MECOM: variants seen among roughly 807,000 people sequenced by gnomAD.
MECOM encodes the protein MDS1 and EVI1 complex locus, also known as histone-lysine N-methyltransferase MECOM.
A neutral mutation model predicts 116.3 loss-of-function variants in MECOM; 13 were observed. That is an observed-to-expected ratio of 0.11 (90% CI 0.07 to 0.18). The LOEUF (loss-of-function observed/expected upper bound fraction) is 0.18. MECOM is among the 10% of genes least tolerant of loss of function. The pLI is 1.00. For missense variants in MECOM, 1,299 were observed against 1,509.0 expected, an observed-to-expected ratio of 0.86 and a Z score of 2.31; for synonymous variants, 528 against 535.2, an observed-to-expected ratio of 0.99 and a Z score of 0.19.
At chr3:169,327,639 CAAA>C (rs771134017) in intron 2 of MECOM, among the ~76,000 whole-genome samples, 2 of 69,534 alleles carry the variant, frequency 2.9e-5, no homozygotes, top group Admixed American at 1.6e-4. Context: ...GACTGTGTCT[CAAA>C]AAAAAAAAAA....
At chr3:169,567,198 A>G (rs957200477) in intron 1 of MECOM, among the ~76,000 whole-genome samples, 6 of 152,250 alleles carry the variant, frequency 3.9e-5, no homozygotes, top group Admixed American at 3.9e-4. Flanking sequence ...CACTAACAAA[A>G]AGTGGCATCA....
chr3:169,535,239 GT>G (rs1759208210), intron 1 of MECOM, among the ~76,000 whole-genome samples: 1 of 152,144 alleles, frequency 6.6e-6, no homozygotes, highest in Non-Finnish European at 1.5e-5. Context: ...GAAGATATAT[GT>G]GAATATTCTA....
In MECOM at chr3:169,115,911, A is replaced by G. The variant is rs530789695; in HGVS notation, c.1961T>C (p.Val654Ala). 5.6e-6 allele frequency: 9 copies of G among 1,614,098 alleles called. No homozygotes were observed. In the South Asian group the frequency reaches 9.9e-5, roughly 18 times the overall value. The change falls in exon 8 of 17, where the codon GTG becomes GCG. Residue 654 changes from valine (V) to alanine (A), a missense_variant. Val to Ala is a moderately conservative substitution (Grantham distance 64, BLOSUM62 0). Coordinates refer to ENST00000651503, the MANE Select transcript of MECOM (RefSeq NM_004991.4). ...TATAGAATCATTCACAGCTCCTGAC[A>G]CCGCAGTCTGCTCCTCTAAAGATGG... is the stretch of plus-strand genomic sequence containing the variant. ...FSPSLEEQTA[V>A]SGAVNDSIKA... is the part of the protein sequence containing the mutation.
intron 2 of MECOM, among the ~76,000 whole-genome samples, chr3:169,183,589 A>C (rs1746267985): frequency 6.6e-6 from 1 of 152,002 alleles, no homozygotes; most frequent in South Asian, 2.1e-4. Context: ...GAGGAGGAGG[A>C]GCCAGAGGTC....
At chr3:169,450,175 A>G (rs1265573369) in intron 1 of MECOM, among the ~76,000 whole-genome samples, 1 of 152,200 alleles carries the variant, frequency 6.6e-6, no homozygotes, top group East Asian at 1.9e-4. Flanking sequence ...GCTATGCCAG[A>G]ACAAATATTA....
chr3:169,282,122 T>C (rs1231096939), intron 2 of MECOM, among the ~76,000 whole-genome samples: 2 of 152,162 alleles, frequency 1.3e-5, no homozygotes, highest in African/African-American at 4.8e-5. Flanking sequence ...TCTCTAAAAG[T>C]AAACCCAAAT....
At chr3:169,219,245 G>T (rs1230983729) in intron 2 of MECOM, among the ~76,000 whole-genome samples, 1 of 152,192 alleles carries the variant, frequency 6.6e-6, no homozygotes, top group Non-Finnish European at 1.5e-5. Flanking sequence ...GGTGGCTCAC[G>T]CCTGTAATCC....
intron 1 of MECOM, chr3:169,484,006 C>CT (rs917362823): frequency 1.3e-4 from 199 of 1,585,946 alleles, no homozygotes; most frequent in African/African-American, 1.6e-4. Context: ...GAACTTGCTT[C>CT]TTTTTTTTGC....
rs557328024 is a variant in MECOM at position 169,211,490 on chromosome 3, G to A, written c.376-67658C>T. ...GGTCTTGTCAAATTGACCATCAATG[G>A]TCTCTGAATCTATCTTCTTCAGTGA... On this transcript the variant is annotated intron_variant, in intron 2 of 16. Transcript: ENST00000651503. Among the ~76,000 whole-genome samples the A allele has an allele frequency of 2.6e-5, 4 of 152,212 alleles. No homozygotes were observed. In the South Asian group the frequency reaches 8.3e-4, roughly 32 times the overall value.
intron 2 of MECOM, among the ~76,000 whole-genome samples, chr3:169,277,282 G>A (rs1489064815): frequency 6.6e-6 from 1 of 152,126 alleles, no homozygotes; most frequent in Non-Finnish European, 1.5e-5. Context: ...CACAGGAGGA[G>A]CTCAAACATA....
At chr3:169,215,848 T>C (rs1751360560) in intron 2 of MECOM, among the ~76,000 whole-genome samples, 1 of 152,224 alleles carries the variant, frequency 6.6e-6, no homozygotes, top group African/African-American at 2.4e-5. Context: ...TCTCCAGAAA[T>C]GATGTGTCAG....
intron 2 of MECOM, among the ~76,000 whole-genome samples, chr3:169,227,493 C>G (rs530068338): frequency 2.7e-4 from 41 of 152,074 alleles, no homozygotes; most frequent in Middle Eastern, 3.2e-3. Flanking sequence ...TTTCTTTTCT[C>G]TGTATCAGAT....
chr3:169,381,590 G>T, intron 1 of MECOM, 66 bp from the exon 2 acceptor site: 1 of 1,213,996 alleles, frequency 8.2e-7, no homozygotes, highest in Non-Finnish European at 1.1e-6. Context: ...CACAGGGGTA[G>T]CCACCTTATT....
intron 2 of MECOM, among the ~76,000 whole-genome samples, chr3:169,157,371 A>G (rs1742151172): frequency 6.6e-6 from 1 of 152,238 alleles, no homozygotes; most frequent in Non-Finnish European, 1.5e-5. Context: ...CTTTCTCTAC[A>G]TTGGAAATCC....
intron 2 of MECOM, among the ~76,000 whole-genome samples, chr3:169,337,530 A>G (rs1723775718): frequency 6.6e-6 from 1 of 152,210 alleles, no homozygotes; most frequent in Non-Finnish European, 1.5e-5. Context: ...TGGCCCTGAT[A>G]CAAACCCCTA....
In MECOM at chr3:169,596,674, T is replaced by G. The variant is rs141723671; in HGVS notation, c.37+66662A>C. On this transcript the variant is annotated intron_variant, in intron 1 of 16. Coordinates refer to ENST00000651503, the MANE Select transcript of MECOM (RefSeq NM_004991.4). Reference sequence around the variant, plus strand: ...CAGCACAGTAACAATTAAAATGCTGTTTGATCAAAAATTAAAACCTAAAAA... The same window carrying G: ...CAGCACAGTAACAATTAAAATGCTGGTTGATCAAAAATTAAAACCTAAAAA... Among the ~76,000 whole-genome samples the G allele has an allele frequency of 2.6e-3, 392 of 152,136 alleles. 3 individuals carry two copies. Among genetic ancestry groups the G allele is most frequent in the African/African-American group, 8.9e-3 (371 of 41,504 alleles).
intron 2 of MECOM, among the ~76,000 whole-genome samples, chr3:169,377,377 G>C (rs983039764): frequency 6.6e-6 from 1 of 152,158 alleles, no homozygotes; most frequent in Non-Finnish European, 1.5e-5. Context: ...TCATTAGAGT[G>C]AACAGTCAAC....
At chr3:169,480,732 T>C (rs777425513) in intron 1 of MECOM, among the ~76,000 whole-genome samples, 3 of 152,096 alleles carry the variant, frequency 2.0e-5, no homozygotes, top group Non-Finnish European at 2.9e-5. Flanking sequence ...AGATAAGCTG[T>C]TTCTGAGCCA....
At chr3:169,460,453 T>C (rs1457647973) in intron 1 of MECOM, among the ~76,000 whole-genome samples, 4 of 152,168 alleles carry the variant, frequency 2.6e-5, no homozygotes, top group Admixed American at 6.6e-5. Flanking sequence ...TTAGAGATCA[T>C]AGAATTCAGC....
Sources: gnomAD v4.1 joint callset for allele counts (sites outside exome capture counted in the v4.1 genomes callset) on GRCh38, gnomAD v4.1.1 for gene constraint, MANE v1.5 for transcripts, NCBI Gene and HGNC (gene_info 2026-07-23, HGNC 2026-07-21) for gene names.